The following CA9 variants were observed in gnomAD, a reference collection of about 807,000 sequenced individuals.
CA9 encodes carbonic anhydrase 9.
CA9 carries 43 observed loss-of-function variants against 51.8 expected under a neutral mutation model. That is an observed-to-expected ratio of 0.83 (90% CI 0.65 to 1.07). The LOEUF is 1.07. Ranked by LOEUF, CA9 falls within the 50% of genes least tolerant of loss-of-function variation. CA9 has a pLI of 0.00. For synonymous variants in CA9, 253 were observed against 244.2 expected (o/e 1.04, Z -0.34); for missense variants, 574 against 581.4 (o/e 0.99, Z 0.13).
In CA9 at chr9:35,675,779, G is replaced by A. The variant is rs769826532; in HGVS notation, c.452G>A (p.Arg151Gln). Residue 151 changes from arginine (R) to glutamine (Q), a missense_variant, in exon 3 of 11, where the codon CGG becomes CAG. Coordinates refer to ENST00000378357, the MANE Select transcript of CA9 (RefSeq NM_001216.3). The part of the protein sequence containing the change: ...WRYGGDPPWP[R>Q]VSPACAGRFQ... Reference sequence around the variant, plus strand: ...ACCCCAGGCGACCCGCCCTGGCCCCGGGTGTCCCCAGCCTGCGCGGGCCGC... The same window carrying A: ...ACCCCAGGCGACCCGCCCTGGCCCCAGGTGTCCCCAGCCTGCGCGGGCCGC... 1.2e-6 allele frequency: 2 copies of A among 1,600,354 alleles called. No individual in the cohort carries two copies. Among genetic ancestry groups the A allele is most frequent in the Non-Finnish European group, 1.7e-6 (2 of 1,177,874 alleles).
intron 1 of CA9, chr9:35,675,253 C>T: frequency 6.2e-6 from 3 of 482,830 alleles, no homozygotes; most frequent in Non-Finnish European, 7.4e-6. Context: ...CCTGGCCTCC[C>T]AAAGTGCTGG....
chr9:35,680,664 G>C (rs1273392570), intron 9 of CA9, 89 bp from the exon 10 acceptor site: 1 of 1,048,024 alleles, frequency 9.5e-7, no homozygotes, highest in Non-Finnish European at 1.5e-6. Context: ...ACTCGGGGCA[G>C]GGGTGGTGGA....
rs374795235 is a variant in CA9, at chr9:35,677,779, T to C, written c.841-11T>C. ...ACATGCACTCATCTGTCTTACAATG[T>C]CATCCCCCAGGAGGGCCCGGAAGAA... On this transcript the variant is annotated splice_polypyrimidine_tract_variant and intron_variant, in intron 5 of 10. Coordinates refer to ENST00000378357, the MANE Select transcript of CA9 (RefSeq NM_001216.3). The C allele has an allele frequency of 2.7e-5, 43 of 1,612,816 alleles. No individual in the cohort carries two copies. Among genetic ancestry groups the C allele is most frequent in the Non-Finnish European group, 3.5e-5 (41 of 1,178,892 alleles).
At position 35,673,969 on chromosome 9, in the gene CA9, C is replaced by T. The variant is rs1437388875; in HGVS notation, c.10C>T (p.Leu4=). The change falls in exon 1 of 11, where the codon CTG becomes TTG. Residue 4 remains leucine, a synonymous_variant. Coordinates refer to ENST00000378357, the MANE Select transcript of CA9 (RefSeq NM_001216.3). MAP[L]CPSPWLPLLI... ...CCCCACAGTCAGCCGCATGGCTCCC[C>T]TGTGCCCCAGCCCCTGGCTCCCTCT... is the stretch of plus-strand genomic sequence containing the variant. The T allele has an allele frequency of 6.2e-7, 1 of 1,601,910 alleles. No homozygotes were observed. Among genetic ancestry groups the T allele is most frequent in the Non-Finnish European group, 8.5e-7 (1 of 1,173,550 alleles).
intron 6 of CA9, among the ~76,000 whole-genome samples, chr9:35,678,170 C>A (rs1372700978): frequency 6.6e-6 from 1 of 151,914 alleles, no homozygotes; most frequent in East Asian, 1.9e-4. Context: ...CATGGTGAAA[C>A]CCCATCTCTA....
chr9:35,674,083 C>T lies in CA9; in HGVS notation c.124C>T (p.Arg42Trp), dbSNP rs769385538. The change falls in exon 1 of 11, where the codon CGG (arginine) becomes TGG (tryptophan). Residue 42 changes from arginine to tryptophan, a missense_variant. By Grantham distance (101) the Arg-to-Trp change is moderately radical (BLOSUM62 -3). Coordinates refer to ENST00000378357, the MANE Select transcript of CA9 (RefSeq NM_001216.3). Reference protein sequence around the residue: ...LVPVHPQRLPRMQEDSPLGGG... With the variant: ...LVPVHPQRLPWMQEDSPLGGG... ...GCCTGTCCATCCCCAGAGGTTGCCC[C>T]GGATGCAGGAGGATTCCCCCTTGGG... The T allele has an allele frequency of 3.7e-5, 59 of 1,614,080 alleles. No homozygotes were observed. The highest frequency in any genetic ancestry group is 1.6e-4 in the Middle Eastern group (1 of 6,084).
At chr9:35,680,245 C>A in intron 9 of CA9, 106 bp downstream of exon 9, 1 of 1,263,382 alleles carries the variant, frequency 7.9e-7, no homozygotes, top group Non-Finnish European at 1.2e-6. Context: ...TTCTGCAGAA[C>A]AGACCCCAAC....
At chr9:35,674,708 G>A (rs1824383757) in intron 1 of CA9, 1 of 200,838 alleles carries the variant, frequency 5.0e-6, no homozygotes, top group South Asian at 1.3e-4. Context: ...AGTTTGAGGG[G>A]AAGAGAAAAG....
At chr9:35,674,662 CAG>C (rs1177561598) in intron 1 of CA9, 29 of 273,562 alleles carry the variant, frequency 1.1e-4, no homozygotes, top group African/African-American at 4.4e-4. Flanking sequence ...AATGTGCAGA[CAG>C]AGGAAAAAAA....
intron 7 of CA9, 123 bp downstream of exon 7, chr9:35,679,465 C>A: frequency 8.1e-7 from 1 of 1,230,932 alleles, no homozygotes; most frequent in Non-Finnish European, 1.1e-6. Flanking sequence ...AATCCCACCA[C>A]GTTGGGAGGC....
In CA9 at chr9:35,678,700, CT is replaced by C. The variant is rs71800585; in HGVS notation, c.908-470del. ...TTCAGATCATTTTTTCTTTTCTTTT[CT>C]TTTTTTTTTTTTTTACATCTTTAGT... On this transcript the variant is annotated intron_variant, in intron 6 of 10. Transcript: ENST00000378357. Among the ~76,000 whole-genome samples the C allele has an allele frequency of 4.4e-3, 581 of 131,942 alleles. 13 individuals are homozygous for C. In the East Asian group the frequency reaches 0.076, roughly 17 times the overall value. The allele number at this position is 131,942 out of a possible 152,430, so 86.6% of individuals were successfully genotyped here. A position where few individuals can be genotyped will look rare whatever the true frequency, so the allele number is the denominator to read the frequency against.
intron 4 of CA9, 29 bp from the exon 5 acceptor site, chr9:35,676,268 G>T (rs1563922460): frequency 1.2e-6 from 2 of 1,613,814 alleles, no homozygotes; most frequent in African/African-American, 1.3e-5. Flanking sequence ...CAGAGACGTG[G>T]CCCTCTCCTA....
rs927541334 is a variant in CA9, at chr9:35,677,683, C to G, written c.841-107C>G. The G allele has an allele frequency of 4.4e-5, 37 of 833,114 alleles. No homozygotes were observed. In the African/African-American group the frequency reaches 5.9e-4, roughly 13 times the overall value. The allele number at this position is 833,114 out of a possible 1,614,324, so 51.6% of individuals were successfully genotyped here. A position where few individuals can be genotyped will look rare whatever the true frequency, so the allele number is the denominator to read the frequency against. On this transcript the variant is annotated intron_variant, in intron 5 of 10. Transcript: ENST00000378357. The stretch of plus-strand genomic sequence containing the variant: ...CAATTTTATGTTCCCTCAGCATTCT[C>G]AGAGCTGAGGAATGGGAGAGGTCTA...
At chr9:35,674,820 G>C (rs1337827389) in intron 1 of CA9, 3 of 160,840 alleles carry the variant, frequency 1.9e-5, no homozygotes, top group African/African-American at 7.2e-5. Context: ...CTAGGAAGAA[G>C]GGACACAGCA....
chr9:35,674,405 A>C, intron 1 of CA9, 43 bp downstream of exon 1: 23 of 1,560,326 alleles, frequency 1.5e-5, no homozygotes, highest in Non-Finnish European at 2.0e-5. Flanking sequence ...CAGGAGGTTC[A>C]TGACTCCCCT....
intron 1 of CA9, 103 bp downstream of exon 1, chr9:35,674,465 T>C (rs1824379296): frequency 1.8e-6 from 2 of 1,099,294 alleles, no homozygotes; most frequent in Admixed American, 5.1e-5. Context: ...GGGGAGACTG[T>C]ACTCCCCACA....
chr9:35,675,754 A>G lies in CA9; in HGVS notation c.434-7A>G. 1 of 1,564,084 alleles carries G rather than the reference A, an allele frequency of 6.4e-7. No homozygotes were observed. Among genetic ancestry groups the G allele is most frequent in the Non-Finnish European group, 8.6e-7 (1 of 1,160,876 alleles). On this transcript the variant is annotated splice_region_variant and splice_polypyrimidine_tract_variant and intron_variant, in intron 2 of 10. Transcript: ENST00000378357. ...TCAGACTTCCTCACTATACTCTCCC[A>G]CCCCAGGCGACCCGCCCTGGCCCCG... is the stretch of plus-strand genomic sequence containing the variant.
chr9:35,680,989 C>T lies in CA9; in HGVS notation c.1344C>T (p.Ser448=), dbSNP rs779997289. Residue 448 remains serine, a synonymous_variant, in exon 11 of 11, where the codon AGC becomes AGT. Coordinates refer to ENST00000378357, the MANE Select transcript of CA9 (RefSeq NM_001216.3). ...QHRRGTKGGV[S]YRPAEVAETG... ...GAAGGGGAACCAAAGGGGGTGTGAG[C>T]TACCGCCCAGCAGAGGTAGCCGAGA... The T allele has an allele frequency of 4.8e-5, 77 of 1,614,056 alleles. No individual in the cohort carries two copies. The highest frequency in any genetic ancestry group is 6.0e-5 in the Non-Finnish European group (71 of 1,180,012).
chr9:35,679,391 G>GT (rs754909588), intron 7 of CA9, 49 bp downstream of exon 7: 2 of 1,572,760 alleles, frequency 1.3e-6, no homozygotes, highest in Non-Finnish European at 1.7e-6. Flanking sequence ...GAAAGAGGAT[G>GT]TAAGATGAGA....
Sources: allele counts gnomAD v4.1 joint callset (sites outside exome capture counted in the v4.1 genomes callset), GRCh38; gene constraint gnomAD v4.1.1; transcripts MANE v1.5; gene names NCBI Gene and HGNC (gene_info 2026-07-23, HGNC 2026-07-21).